The following WDR26 variants were observed in gnomAD, a reference collection of about 807,000 sequenced individuals.
WDR26 encodes the protein WD repeat-containing protein 26.
A neutral mutation model predicts 84.1 loss-of-function variants in WDR26; 5 were observed. The observed-to-expected ratio is 0.06, with a 90% CI of 0.03 to 0.13. The LOEUF is 0.13. Among genes scored for constraint, WDR26 ranks in the 10% least tolerant of loss-of-function variants. The pLI, the probability that WDR26 is intolerant of heterozygous loss-of-function variation, is 1.00. For missense variants in WDR26, 642 were observed against 974.9 expected (o/e 0.66, Z 4.55); for synonymous variants, 415 against 389.6 (o/e 1.07, Z -0.77).
intron 4 of WDR26, among the ~76,000 whole-genome samples, chr1:224,423,472 G>A (rs1184908535): frequency 6.6e-6 from 1 of 152,210 alleles, no homozygotes; most frequent in East Asian, 1.9e-4. Flanking sequence ...GAGGCTGGGT[G>A]CAGTGGCTCA....
chr1:224,400,806 A>G (rs747062190), intron 9 of WDR26, 144 bp downstream of exon 9: 9 of 1,163,802 alleles, frequency 7.7e-6, no homozygotes, highest in African/African-American at 1.6e-5. Flanking sequence ...TCGGCCTCCC[A>G]AAGTGCTGGG....
chr1:224,388,852 CAACT>C lies in WDR26; in HGVS notation c.*979_*982del, dbSNP rs1411576002. 6.6e-6 allele frequency: 1 copy of C among 152,566 alleles called. No individual in the cohort carries two copies. The highest frequency in any genetic ancestry group is 1.5e-5 in the Non-Finnish European group (1 of 68,026). 9.5% of individuals were successfully genotyped at this position (152,566 alleles called of 1,614,324 possible). Reference sequence around the variant, plus strand: ...ACTTGGAACAAGCTTTACTGAAAACCAACTGACTACTGATGTCTCATGTTGGTGT... The same window carrying C: ...ACTTGGAACAAGCTTTACTGAAAACCGACTACTGATGTCTCATGTTGGTGT... On this transcript the variant is annotated 3_prime_UTR_variant, in exon 14 of 14. Coordinates refer to ENST00000414423, the MANE Select transcript of WDR26 (RefSeq NM_001379403.1).
intron 7 of WDR26, among the ~76,000 whole-genome samples, chr1:224,407,374 G>GA (rs1673611780): frequency 6.8e-6 from 1 of 147,712 alleles, no homozygotes; most frequent in South Asian, 2.1e-4. Context: ...TTTAGGCAAA[G>GA]AAAAACTGTT....
chr1:224,407,511 A>ATTTT (rs1198678359), intron 7 of WDR26, among the ~76,000 whole-genome samples: 1 of 141,658 alleles, frequency 7.1e-6, no homozygotes. Flanking sequence ...ACATATATAA[A>ATTTT]TTTTTTTTTT....
intron 4 of WDR26, among the ~76,000 whole-genome samples, chr1:224,424,232 C>T (rs946782044): frequency 6.6e-6 from 1 of 152,162 alleles, no homozygotes; most frequent in African/African-American, 2.4e-5. Context: ...TTTTTAACTA[C>T]AAAAGCTGTC....
At chr1:224,428,973 C>G (rs994716396) in intron 3 of WDR26, among the ~76,000 whole-genome samples, 2 of 151,094 alleles carry the variant, frequency 1.3e-5, no homozygotes, top group African/African-American at 4.9e-5. Flanking sequence ...TAATCGGAAA[C>G]CATTTAAACA....
Position 224,418,420 on chromosome 1 carries a change from TAA to T in WDR26, c.1163-6_1163-5del. 1 of 1,583,930 alleles carries T rather than the reference TAA, an allele frequency of 6.3e-7. No individual in the cohort carries two copies. Among genetic ancestry groups the T allele is most frequent in the Non-Finnish European group, 8.5e-7 (1 of 1,171,126 alleles). On this transcript the variant is annotated splice_region_variant and splice_polypyrimidine_tract_variant and intron_variant, in intron 5 of 13. Transcript: ENST00000414423. ...ATCACTGATGGTGGTAAATAGGCTT[TAA>T]TAGAAGATATTTTAAAAAAGAGAAA...
intron 3 of WDR26, chr1:224,430,933 C>T (rs1290455418): frequency 6.5e-6 from 1 of 152,730 alleles, no homozygotes; most frequent in African/African-American, 2.4e-5. Context: ...CAAATCTGCA[C>T]ACAAACCCTC....
chr1:224,405,482 TGA>T (rs908373956), intron 7 of WDR26, among the ~76,000 whole-genome samples: 1 of 152,216 alleles, frequency 6.6e-6, no homozygotes, highest in African/African-American at 2.4e-5. Flanking sequence ...TTTAACATTT[TGA>T]GAAACTGCCA....
At chr1:224,412,473 A>G (rs1245467521) in intron 6 of WDR26, among the ~76,000 whole-genome samples, 1 of 152,254 alleles carries the variant, frequency 6.6e-6, no homozygotes, top group Non-Finnish European at 1.5e-5. Context: ...AAATAAGAGG[A>G]AGAGAAAATG....
rs547374957 is a variant in WDR26 at position 224,417,676 on chromosome 1, G to A, written c.1319+584C>T. 2.6e-5 allele frequency among the ~76,000 whole-genome samples: 4 copies of A among 152,136 alleles called. No homozygotes were observed. The South Asian group carries it at 8.3e-4, about 32-fold the overall frequency. ...GATCATGCCACTGCACTCTATCCTG[G>A]GCAACAGAGAGGCTGTGTCTAAAAA... On this transcript the variant is annotated intron_variant, in intron 6 of 13. Coordinates refer to ENST00000414423, the MANE Select transcript of WDR26 (RefSeq NM_001379403.1).
chr1:224,420,257 G>A (rs1428527379), intron 4 of WDR26, among the ~76,000 whole-genome samples: 1 of 152,202 alleles, frequency 6.6e-6, no homozygotes, highest in Non-Finnish European at 1.5e-5. Context: ...ACAGAAGGTG[G>A]GATAAATGCT....
chr1:224,433,569 T>G, intron 1 of WDR26, 115 bp downstream of exon 1: 7 of 1,361,742 alleles, frequency 5.1e-6, no homozygotes, highest in Non-Finnish European at 4.8e-6. Flanking sequence ...CCAGCACTCA[T>G]TCTCTTTGAC....
chr1:224,416,360 T>TG lies in WDR26; in HGVS notation c.1319+1899dup, dbSNP rs777698439. Among the ~76,000 whole-genome samples the TG allele has an allele frequency of 1.6e-4, 24 of 152,236 alleles. No homozygotes were observed. The East Asian group carries it at 4.1e-3, about 26-fold the overall frequency. On this transcript the variant is annotated intron_variant, in intron 6 of 13. Coordinates refer to ENST00000414423, the MANE Select transcript of WDR26 (RefSeq NM_001379403.1). ...CTCCTGCCTCAGCCTCCCGAGTAGC[T>TG]GGGACTACAGGCGCCTGCCACCACG...
chr1:224,427,724 A>T (rs1042185051), intron 3 of WDR26, among the ~76,000 whole-genome samples: 4 of 152,220 alleles, frequency 2.6e-5, no homozygotes, highest in African/African-American at 9.6e-5. Context: ...CCAAAAAATC[A>T]GTTGAAGTAT....
intron 6 of WDR26, chr1:224,413,090 G>C (rs1429727031): frequency 5.2e-6 from 1 of 190,516 alleles, no homozygotes; most frequent in East Asian, 1.3e-4. Context: ...TCAAGAAGCT[G>C]AGGCAGGAGA....
At chr1:224,408,527 T>G (rs1673644111) in intron 7 of WDR26, among the ~76,000 whole-genome samples, 1 of 152,154 alleles carries the variant, frequency 6.6e-6, no homozygotes, top group South Asian at 2.1e-4. Flanking sequence ...TGCAAATAAA[T>G]GACTGGTGAA....
rs1484151018 is a variant in WDR26, at chr1:224,387,087, C to CTA, written c.*2746_*2747dup. On this transcript the variant is annotated 3_prime_UTR_variant, in exon 14 of 14. Coordinates refer to ENST00000414423, the MANE Select transcript of WDR26 (RefSeq NM_001379403.1). ...TTTTAAGCACATGGAAATGAGCCTA[C>CTA]TAACCTGATTTTTGGAGCCCAAATT... 6.6e-6 allele frequency: 1 copy of CTA among 152,618 alleles called. No individual in the cohort carries two copies. The highest frequency in any genetic ancestry group is 6.5e-5 in the Admixed American group (1 of 15,288). 9.5% of individuals were successfully genotyped at this position (152,618 alleles called of 1,614,324 possible).
intron 7 of WDR26, among the ~76,000 whole-genome samples, chr1:224,404,983 C>G (rs759285933): frequency 3.3e-5 from 5 of 152,120 alleles, no homozygotes; most frequent in Non-Finnish European, 7.3e-5. Flanking sequence ...GTATACAACT[C>G]AGTATATTTT....
Sources: allele counts gnomAD v4.1 joint callset (sites outside exome capture counted in the v4.1 genomes callset), GRCh38; gene constraint gnomAD v4.1.1; transcripts MANE v1.5; gene names NCBI Gene and HGNC (gene_info 2026-07-23, HGNC 2026-07-21).